Variants in ACO2 observed in about 807,000 individuals in gnomAD.
The protein encoded by ACO2 is aconitase 2.
In ACO2, 31 loss-of-function variants were observed where a neutral mutation model predicts 84.5. That is an observed-to-expected ratio of 0.37 (90% CI 0.28 to 0.50). The LOEUF is 0.50. ACO2 is among the 20% of genes least tolerant of loss of function. The pLI is 0.97. For missense variants in ACO2, 685 were observed against 1,029.3 expected, an observed-to-expected ratio of 0.67 and a Z score of 4.58; for synonymous variants, 414 against 412.7, an observed-to-expected ratio of 1.00 and a Z score of -0.04.
chr22:41,523,825 G>C lies in ACO2; in HGVS notation c.1371-5G>C. 1.2e-6 allele frequency: 2 copies of C among 1,611,334 alleles called. No individual in the cohort carries two copies. Among genetic ancestry groups the C allele is most frequent in the Non-Finnish European group, 1.7e-6 (2 of 1,179,334 alleles). On this transcript the variant is annotated splice_polypyrimidine_tract_variant and splice_region_variant and intron_variant, in intron 11 of 17. Coordinates refer to ENST00000216254, the MANE Select transcript of ACO2 (RefSeq NM_001098.3). ...TCCCTAACCCTGATCCCTCTGACCTGGCAGGAAGGACATCAAGAAGGGGGA... is the reference window on the plus strand; with the variant it reads ...TCCCTAACCCTGATCCCTCTGACCTCGCAGGAAGGACATCAAGAAGGGGGA...
intron 1 of ACO2, among the ~76,000 whole-genome samples, chr22:41,488,773 T>C (rs1025575731): frequency 6.6e-6 from 1 of 152,160 alleles, no homozygotes; most frequent in East Asian, 1.9e-4. Flanking sequence ...CCTCCAGGCC[T>C]TTGGGGATTA....
At chr22:41,479,665 G>A (rs1472739450) in intron 1 of ACO2, among the ~76,000 whole-genome samples, 1 of 152,186 alleles carries the variant, frequency 6.6e-6, no homozygotes, top group Non-Finnish European at 1.5e-5. Flanking sequence ...GAGGCTGGTG[G>A]GGGAGAGGCT....
At chr22:41,516,623 C>T (rs2066477715) in intron 6 of ACO2, among the ~76,000 whole-genome samples, 1 of 152,242 alleles carries the variant, frequency 6.6e-6, no homozygotes, top group Admixed American at 6.5e-5. Context: ...GTCCTAGTGG[C>T]TCCTGAGGCA....
At chr22:41,521,714 T>C (rs960016315) in intron 9 of ACO2, 8 of 152,202 alleles carry the variant, frequency 5.3e-5, no homozygotes, top group Middle Eastern at 6.8e-3. Context: ...AGAAAGTAAA[T>C]TACTAAATTA....
chr22:41,528,842 T>G lies in ACO2; in HGVS notation c.*229T>G. On this transcript the variant is annotated 3_prime_UTR_variant, in exon 18 of 18. Transcript: ENST00000216254. ...GAGTTTGGTTCAGATCTTAAGCAGCTCCATGCAACTGTATTTATTTTTGAT... is the reference window on the plus strand; with the variant it reads ...GAGTTTGGTTCAGATCTTAAGCAGCGCCATGCAACTGTATTTATTTTTGAT... 1.7e-6 allele frequency: 1 copy of G among 576,152 alleles called. No individual in the cohort carries two copies. Among genetic ancestry groups the G allele is most frequent in the Non-Finnish European group, 3.0e-6 (1 of 332,772 alleles). 35.7% of individuals were successfully genotyped at this position (576,152 alleles called of 1,614,324 possible).
chr22:41,523,218 G>A lies in ACO2; in HGVS notation c.1310G>A (p.Arg437Lys). The A allele has an allele frequency of 6.2e-7, 1 of 1,612,776 alleles. No homozygotes were observed. Among genetic ancestry groups the A allele is most frequent in the Non-Finnish European group, 8.5e-7 (1 of 1,179,216 alleles). Residue 437 changes from arginine to lysine, a missense_variant, in exon 11 of 18, where the codon AGG becomes AAG. By Grantham distance (26) the Arg-to-Lys change is conservative. Transcript: ENST00000216254. ...IERDGYAQIL[R>K]DLGGIVLANA... ...TCTCCCTGGCAGGCACAGATCTTGAGGGATCTGGGTGGCATTGTCCTGGCC... is the reference window on the plus strand; with the variant it reads ...TCTCCCTGGCAGGCACAGATCTTGAAGGATCTGGGTGGCATTGTCCTGGCC...
At chr22:41,476,400 T>C (rs2038014130) in intron 1 of ACO2, among the ~76,000 whole-genome samples, 2 of 131,942 alleles carry the variant, frequency 1.5e-5, no homozygotes, top group Admixed American at 7.9e-5. Context: ...AGAATGAAAC[T>C]CTGTCTTAAA....
At chr22:41,471,926 G>A (rs1197763049) in intron 1 of ACO2, among the ~76,000 whole-genome samples, 3 of 152,262 alleles carry the variant, frequency 2.0e-5, no homozygotes, top group African/African-American at 4.8e-5. Flanking sequence ...TGTGTTTTGG[G>A]TAAGTTACTC....
intron 1 of ACO2, among the ~76,000 whole-genome samples, chr22:41,474,708 C>T (rs1425596412): frequency 6.6e-6 from 1 of 150,962 alleles, no homozygotes; most frequent in African/African-American, 2.4e-5. Flanking sequence ...ACGCCATTCT[C>T]CTGCCTCAGC....
chr22:41,510,368 G>A (rs979055147), intron 3 of ACO2, among the ~76,000 whole-genome samples: 4 of 152,152 alleles, frequency 2.6e-5, no homozygotes, highest in African/African-American at 4.8e-5. Context: ...AATTTCATAA[G>A]TGACCGATTT....
At chr22:41,469,694 G>T (rs1230741063) in intron 1 of ACO2, among the ~76,000 whole-genome samples, 1 of 152,144 alleles carries the variant, frequency 6.6e-6, no homozygotes, top group Non-Finnish European at 1.5e-5. Flanking sequence ...TGGAATGTCG[G>T]GGAGGGGGGC....
chr22:41,507,890 G>A lies in ACO2; in HGVS notation c.273G>A (p.Leu91=). 2 of 1,614,246 alleles carry A rather than the reference G, an allele frequency of 1.2e-6. No individual in the cohort carries two copies. Among genetic ancestry groups the A allele is most frequent in the South Asian group, 1.1e-5 (1 of 91,084 alleles). Residue 91 remains leucine (L), a synonymous_variant, in exon 3 of 18, where the codon CTG becomes CTA. Transcript: ENST00000216254. ...EIERGKSYLR[L]RPDRVAMQDA... ...AGCGAGGCAAGTCGTACCTGCGGCT[G>A]CGGCCGGACCGTGTGGCCATGCAGG... is the stretch of plus-strand genomic sequence containing the variant.
At chr22:41,495,358 A>G (rs933947734) in intron 1 of ACO2, among the ~76,000 whole-genome samples, 11 of 151,776 alleles carry the variant, frequency 7.2e-5, no homozygotes, top group African/African-American at 2.4e-4. Flanking sequence ...AGGTCTTGCT[A>G]TGTTGGCCGG....
intron 17 of ACO2, 160 bp from the exon 18 acceptor site, chr22:41,528,319 C>T: frequency 9.1e-7 from 1 of 1,093,406 alleles, no homozygotes; most frequent in Non-Finnish European, 1.3e-6. Flanking sequence ...TAGGTGCCAC[C>T]TGGGTCTGAC....
At chr22:41,490,373 C>A (rs1057345829) in intron 1 of ACO2, among the ~76,000 whole-genome samples, 1 of 152,094 alleles carries the variant, frequency 6.6e-6, no homozygotes, top group Non-Finnish European at 1.5e-5. Context: ...GACATTTTAA[C>A]CACTTTCAGT....
intron 16 of ACO2, 64 bp from the exon 17 acceptor site, chr22:41,527,837 T>G (rs1166574725): frequency 5.6e-6 from 9 of 1,611,928 alleles, no homozygotes; most frequent in Admixed American, 1.7e-5. Flanking sequence ...CCCAGATGGG[T>G]TCAGAAAATG....
At chr22:41,507,189 T>C (rs1318437164) in intron 2 of ACO2, among the ~76,000 whole-genome samples, 1 of 152,128 alleles carries the variant, frequency 6.6e-6, no homozygotes, top group African/African-American at 2.4e-5. Context: ...CTCCTGTCTA[T>C]GTCTGGAGCT....
chr22:41,527,497 G>T (rs2066626290), intron 16 of ACO2, 77 bp downstream of exon 16: 3 of 1,534,838 alleles, frequency 2.0e-6, no homozygotes, highest in Admixed American at 3.7e-5. Flanking sequence ...CCGTGGCTGA[G>T]TTGGGCCTGG....
In ACO2 at chr22:41,515,266, C is replaced by T. The variant is rs1294468925; in HGVS notation, c.526-111C>T. 3.0e-6 allele frequency: 4 copies of T among 1,317,228 alleles called. No individual in the cohort carries two copies. The African/African-American group carries it at 5.8e-5, about 19-fold the overall frequency. 81.6% of individuals were successfully genotyped at this position (1,317,228 alleles called of 1,614,324 possible). ...TTAAATGGGGCTGCTCCTACCAGTT[C>T]CATCCTGGGAGAGTGGCTGGACGTG... is the stretch of plus-strand genomic sequence containing the variant. On this transcript the variant is annotated intron_variant, in intron 4 of 17. Transcript: ENST00000216254. The surrounding 1 kb of genome is among the most constrained non-coding windows in gnomAD (Gnocchi z 5.8).
Sources: allele counts gnomAD v4.1 joint callset (sites outside exome capture counted in the v4.1 genomes callset), GRCh38; gene constraint gnomAD v4.1.1; non-coding constraint Gnocchi (gnomAD v3.1); transcripts MANE v1.5; gene names NCBI Gene and HGNC (gene_info 2026-07-23, HGNC 2026-07-21).